The following MCTP1 variants were observed in gnomAD, a reference collection of about 807,000 sequenced individuals.
MCTP1 encodes the protein multiple C2 and transmembrane domain containing 1.
In MCTP1, 69 loss-of-function variants were observed where a neutral mutation model predicts 120.6. The observed-to-expected ratio is 0.57, with a 90% confidence interval of 0.47 to 0.70. MCTP1 has a LOEUF of 0.70. MCTP1 is among the 30% of genes least tolerant of loss of function. The pLI is 0.00. For synonymous variants in MCTP1, 529 were observed against 493.1 expected, an observed-to-expected ratio of 1.07 and a Z score of -0.96; for missense variants, 1,203 against 1,248.8, an observed-to-expected ratio of 0.96 and a Z score of 0.55.
intron 17 of MCTP1, among the ~76,000 whole-genome samples, chr5:94,856,409 A>T (rs1794733092): frequency 6.6e-6 from 1 of 151,922 alleles, no homozygotes; most frequent in South Asian, 2.1e-4. Flanking sequence ...CACAATAAAA[A>T]AAATCTCTTA....
At chr5:94,975,093 A>G (rs1191860796) in intron 2 of MCTP1, among the ~76,000 whole-genome samples, 2 of 152,036 alleles carry the variant, frequency 1.3e-5, no homozygotes, top group Admixed American at 1.3e-4. Flanking sequence ...TTTAGAATGG[A>G]TCAGGGAAGG....
chr5:95,257,779 A>G lies in MCTP1; in HGVS notation c.720+26077T>C, dbSNP rs553420179. Reference sequence around the variant, plus strand: ...CTAATGGGACCGTAAAGAAGGAAGGAAGTGCTCCAGAAAACATACACACAC... The same window carrying G: ...CTAATGGGACCGTAAAGAAGGAAGGGAGTGCTCCAGAAAACATACACACAC... On this transcript the variant is annotated intron_variant, in intron 1 of 22. Coordinates refer to ENST00000515393, the MANE Select transcript of MCTP1 (RefSeq NM_024717.7). 2.6e-5 allele frequency among the ~76,000 whole-genome samples: 4 copies of G among 151,962 alleles called. No homozygotes were observed. In the East Asian group the frequency reaches 7.7e-4, roughly 29 times the overall value.
chr5:95,147,797 T>C (rs1760533545), intron 1 of MCTP1, among the ~76,000 whole-genome samples: 1 of 152,228 alleles, frequency 6.6e-6, no homozygotes. Flanking sequence ...ATACTGTCTA[T>C]GATCTATGTG....
Position 94,909,384 on chromosome 5 carries a change from G to A in MCTP1, c.1522-3C>T, listed in dbSNP as rs75149623. 5.1e-6 allele frequency: 8 copies of A among 1,558,374 alleles called. No individual in the cohort carries two copies. The highest frequency in any genetic ancestry group is 4.4e-5 in the Admixed American group (2 of 45,282). ...GGATTCAACGTTTTTGGCATAATCT[G>A]GAAAAAAAAATCATAATTGTCATAT... On this transcript the variant is annotated splice_polypyrimidine_tract_variant and splice_region_variant and intron_variant, in intron 9 of 22. Coordinates refer to ENST00000515393, the MANE Select transcript of MCTP1 (RefSeq NM_024717.7).
chr5:94,907,783 T>C (rs564513772), intron 10 of MCTP1, among the ~76,000 whole-genome samples: 4 of 145,742 alleles, frequency 2.7e-5, no homozygotes, highest in East Asian at 1.9e-4. Flanking sequence ...TCTGTCATTA[T>C]ACGAAAAAAA....
intron 1 of MCTP1, among the ~76,000 whole-genome samples, chr5:95,030,035 G>C (rs1295407034): frequency 6.6e-6 from 1 of 152,182 alleles, no homozygotes; most frequent in Non-Finnish European, 1.5e-5. Flanking sequence ...GCCTGATCTG[G>C]CCGGGGAAGA....
rs568891796 is a variant in MCTP1 at position 95,073,723 on chromosome 5, G to A, written c.721-56239C>T. On this transcript the variant is annotated intron_variant, in intron 1 of 22. Coordinates refer to ENST00000515393, the MANE Select transcript of MCTP1 (RefSeq NM_024717.7). Reference sequence around the variant, plus strand: ...AGGTGCCTCCCTTCAGTGTTTCCTGGTTGATACCCTGGTTGTTGGCATCAT... The same window carrying A: ...AGGTGCCTCCCTTCAGTGTTTCCTGATTGATACCCTGGTTGTTGGCATCAT... Among the ~76,000 whole-genome samples the A allele has an allele frequency of 4.4e-4, 67 of 152,290 alleles. 1 individual carries two copies. The highest frequency in any genetic ancestry group is 3.4e-3 in the Middle Eastern group (1 of 294).
chr5:95,070,493 A>G (rs78673162), intron 1 of MCTP1, among the ~76,000 whole-genome samples: 12,556 of 152,216 alleles, frequency 0.082, 651 homozygotes, highest in Middle Eastern at 0.21. Context: ...ATTGCTCTCA[A>G]CACTCTGAGA....
At chr5:95,118,081 A>T (rs1160384139) in intron 1 of MCTP1, among the ~76,000 whole-genome samples, 1 of 152,200 alleles carries the variant, frequency 6.6e-6, no homozygotes, top group Admixed American at 6.5e-5. Context: ...TGGGCTTAAT[A>T]ACTAGGTGAT....
chr5:94,984,042 A>G (rs1359062158), intron 2 of MCTP1, among the ~76,000 whole-genome samples: 2 of 152,018 alleles, frequency 1.3e-5, no homozygotes, highest in Admixed American at 1.3e-4. Flanking sequence ...CTTCATCAGC[A>G]CTCCCCCAGA....
At chr5:95,103,463 T>C (rs761666056) in intron 1 of MCTP1, among the ~76,000 whole-genome samples, 1 of 152,190 alleles carries the variant, frequency 6.6e-6, no homozygotes, top group East Asian at 1.9e-4. Flanking sequence ...AGGACTGTGA[T>C]AGATGAGGCA....
intron 1 of MCTP1, among the ~76,000 whole-genome samples, chr5:95,098,476 AACAG>A (rs1312568636): frequency 4.6e-5 from 7 of 152,172 alleles, no homozygotes; most frequent in African/African-American, 1.7e-4. Context: ...ATACACCAAT[AACAG>A]ACAAACAGAG....
chr5:94,966,168 G>A (rs572978312), intron 2 of MCTP1, among the ~76,000 whole-genome samples: 2 of 152,180 alleles, frequency 1.3e-5, no homozygotes, highest in South Asian at 2.1e-4. Flanking sequence ...CCAAAATATC[G>A]TAACAATTAA....
intron 1 of MCTP1, among the ~76,000 whole-genome samples, chr5:95,114,231 G>A (rs1757656110): frequency 6.6e-6 from 1 of 152,204 alleles, no homozygotes; most frequent in Admixed American, 6.5e-5. Context: ...GTTATGAGGA[G>A]AATCTCTGCT....
chr5:94,921,573 G>A (rs913779761), intron 7 of MCTP1, among the ~76,000 whole-genome samples: 5 of 152,132 alleles, frequency 3.3e-5, no homozygotes, highest in Non-Finnish European at 7.4e-5. Flanking sequence ...ATGTCCCTGG[G>A]TAACCTCCTT....
At chr5:95,126,163 C>G (rs767675682) in intron 1 of MCTP1, among the ~76,000 whole-genome samples, 2 of 152,148 alleles carry the variant, frequency 1.3e-5, no homozygotes, top group African/African-American at 2.4e-5. Flanking sequence ...GAATCTCTCA[C>G]CACCAGGCCT....
chr5:95,187,648 C>T (rs1294639686), intron 1 of MCTP1, among the ~76,000 whole-genome samples: 1 of 152,160 alleles, frequency 6.6e-6, no homozygotes, highest in African/African-American at 2.4e-5. Flanking sequence ...GATCCACCCG[C>T]CTCAGTCTCC....
intron 1 of MCTP1, among the ~76,000 whole-genome samples, chr5:95,147,885 G>T (rs1335053193): frequency 6.6e-6 from 1 of 152,144 alleles, no homozygotes; most frequent in African/African-American, 2.4e-5. Context: ...CTCTTGTAAG[G>T]TTCATCTGGT....
chr5:94,887,880 G>T (rs1041653476), intron 12 of MCTP1, among the ~76,000 whole-genome samples: 1 of 152,106 alleles, frequency 6.6e-6, no homozygotes, highest in African/African-American at 2.4e-5. Context: ...CTTTTAATTT[G>T]CTTTTGATTC....
Sources: gnomAD v4.1 joint callset for allele counts (sites outside exome capture counted in the v4.1 genomes callset) on GRCh38, gnomAD v4.1.1 for gene constraint, MANE v1.5 for transcripts, NCBI Gene and HGNC (gene_info 2026-07-23, HGNC 2026-07-21) for gene names.